The following STAB2 variants were observed in gnomAD, a reference collection of about 807,000 sequenced individuals.
The protein encoded by STAB2 is stabilin-2.
STAB2 carries 288 observed loss-of-function variants against 338.1 expected under a neutral mutation model. The observed-to-expected ratio is 0.85, with a 90% CI of 0.77 to 0.94. The LOEUF (loss-of-function observed/expected upper bound fraction) is 0.94, where lower values mean the gene tolerates loss of function less well. Among genes scored for constraint, STAB2 ranks in the 40% least tolerant of loss-of-function variants. The pLI, the probability that STAB2 is intolerant of heterozygous loss-of-function variation, is 0.00. For synonymous variants in STAB2, 1,202 were observed against 1,193.3 expected, an observed-to-expected ratio of 1.01 and a Z score of -0.15; for missense variants, 3,141 against 3,210.1, an observed-to-expected ratio of 0.98 and a Z score of 0.52.
intron 3 of STAB2, among the ~76,000 whole-genome samples, chr12:103,599,492 C>T (rs911815599): frequency 6.6e-6 from 1 of 152,132 alleles, no homozygotes; most frequent in African/African-American, 2.4e-5. Context: ...CCATTCCCAG[C>T]TTTATTCTAT....
intron 34 of STAB2, among the ~76,000 whole-genome samples, chr12:103,702,443 C>T (rs1446714889): frequency 2.0e-5 from 3 of 152,048 alleles, no homozygotes; most frequent in Non-Finnish European, 4.4e-5. Flanking sequence ...GGACTACAGG[C>T]GCCCGCCACC....
chr12:103,640,740 T>A (rs955231856), intron 9 of STAB2, among the ~76,000 whole-genome samples: 1 of 152,196 alleles, frequency 6.6e-6, no homozygotes, highest in Non-Finnish European at 1.5e-5. Context: ...TGTGAAAGTT[T>A]CTGAGGCAAA....
chr12:103,716,103 C>G (rs1225817279), intron 43 of STAB2, among the ~76,000 whole-genome samples: 2 of 152,162 alleles, frequency 1.3e-5, no homozygotes, highest in African/African-American at 4.8e-5. Context: ...AGGGGCTTCC[C>G]TAGAGTGCGG....
At chr12:103,745,127 T>C (rs961142752) in intron 56 of STAB2, 46 bp from the exon 57 acceptor site, 9 of 1,531,902 alleles carry the variant, frequency 5.9e-6, no homozygotes, top group Non-Finnish European at 8.0e-6. Flanking sequence ...GCTGGTTGAT[T>C]GGGTCTCAAC....
chr12:103,680,722 C>A (rs1453587841), intron 25 of STAB2, among the ~76,000 whole-genome samples: 1 of 152,250 alleles, frequency 6.6e-6, no homozygotes, highest in East Asian at 1.9e-4. Flanking sequence ...CCCTGCACCT[C>A]ACCCTGGGGT....
rs1957467354 is a variant in STAB2, at chr12:103,631,775, G to T, written c.583+82G>T. 11 of 1,378,698 alleles carry T rather than the reference G, an allele frequency of 8.0e-6. No homozygotes were observed. In the South Asian group the frequency reaches 1.3e-4, roughly 17 times the overall value. 85.4% of individuals were successfully genotyped at this position (1,378,698 alleles called of 1,614,324 possible). A position where few individuals can be genotyped will look rare whatever the true frequency, so the allele number is the denominator to read the frequency against. On this transcript the variant is annotated intron_variant, in intron 6 of 68. Coordinates refer to ENST00000388887, the MANE Select transcript of STAB2 (RefSeq NM_017564.10). ...CATTTCAATTTTGTATCTGTTACTG[G>T]TTCTCTGCAGGGGCAAGGTACTACC...
Position 103,763,591 on chromosome 12 carries a change from T to C in STAB2, c.7588T>C (p.Ser2530Pro). 6.2e-7 allele frequency: 1 copy of C among 1,613,964 alleles called. No individual in the cohort carries two copies. The highest frequency in any genetic ancestry group is 1.1e-5 in the South Asian group (1 of 91,060). ...ESTTSAPPEP[S>P]YDPFTDSEER... The stretch of plus-strand genomic sequence containing the variant: ...CACAACCTCAGCTCCCCCAGAACCT[T>C]CCTACGACCCCTTCACGGTGAGTTT... Residue 2530 changes from serine to proline, a missense_variant, in exon 68 of 69, where the codon TCC becomes CCC. Transcript: ENST00000388887.
chr12:103,631,671 C>T lies in STAB2; in HGVS notation c.561C>T (p.Tyr187=), dbSNP rs1565973239. The T allele has an allele frequency of 1.2e-6, 2 of 1,614,220 alleles. No individual in the cohort carries two copies. Among genetic ancestry groups the T allele is most frequent in the East Asian group, 2.2e-5 (1 of 44,892 alleles). The change falls in exon 6 of 69, where the codon TAC becomes TAT. Residue 187 remains tyrosine (Y), a synonymous_variant. Coordinates refer to ENST00000388887, the MANE Select transcript of STAB2 (RefSeq NM_017564.10). The part of the protein sequence containing the change: ...GDGTCECYSA[Y]TGPKCDKPIP... ...GAACCTGTGAGTGCTACTCTGCGTA[C>T]ACTGGCCCCAAGTGTGACAAGCGTA...
At chr12:103,629,371 C>A (rs973515793) in intron 5 of STAB2, among the ~76,000 whole-genome samples, 1 of 152,198 alleles carries the variant, frequency 6.6e-6, no homozygotes, top group Admixed American at 6.5e-5. Flanking sequence ...GATATAAGAG[C>A]CTACTGCTAC....
chr12:103,738,540 G>A (rs967899324), intron 53 of STAB2, among the ~76,000 whole-genome samples: 1 of 152,128 alleles, frequency 6.6e-6, no homozygotes, highest in African/African-American at 2.4e-5. Flanking sequence ...GCATCCCCTA[G>A]GAATTTCAAT....
At chr12:103,717,234 A>C (rs1463350679) in intron 43 of STAB2, among the ~76,000 whole-genome samples, 1 of 152,226 alleles carries the variant, frequency 6.6e-6, no homozygotes, top group East Asian at 1.9e-4. Flanking sequence ...GCTTCTTCAG[A>C]CAGTGTCCCC....
intron 25 of STAB2, among the ~76,000 whole-genome samples, chr12:103,681,880 A>C (rs990969093): frequency 6.6e-6 from 1 of 151,766 alleles, no homozygotes; most frequent in Non-Finnish European, 1.5e-5. Flanking sequence ...TGGCCTCCCA[A>C]AGCCCCCTTT....
chr12:103,598,209 G>T (rs991813789), intron 3 of STAB2, among the ~76,000 whole-genome samples: 1 of 152,138 alleles, frequency 6.6e-6, no homozygotes, highest in African/African-American at 2.4e-5. Context: ...CATATTTTCT[G>T]CCTAGCACTG....
intron 25 of STAB2, among the ~76,000 whole-genome samples, chr12:103,680,096 A>T (rs547700618): frequency 1.3e-5 from 2 of 152,200 alleles, no homozygotes; most frequent in Non-Finnish European, 2.9e-5. Context: ...AGAGACAGAA[A>T]GGAGAATGGT....
intron 50 of STAB2, 103 bp downstream of exon 50, chr12:103,731,738 G>A: frequency 1.7e-6 from 2 of 1,192,704 alleles, no homozygotes; most frequent in Non-Finnish European, 2.4e-6. Context: ...TTGGCCAGCT[G>A]TTGTGGGATC....
chr12:103,677,337 T>A, intron 24 of STAB2, 116 bp from the exon 25 acceptor site: 1 of 1,353,508 alleles, frequency 7.4e-7, no homozygotes. Context: ...CATTTCCACC[T>A]CACTCAATGC....
Position 103,660,251 on chromosome 12 carries a change from C to T in STAB2, c.1735-80C>T, listed in dbSNP as rs80324563. 1.8e-4 allele frequency: 258 copies of T among 1,423,736 alleles called. No individual in the cohort carries two copies. In the East Asian group the frequency reaches 2.9e-3, roughly 16 times the overall value. The allele number at this position is 1,423,736 out of a possible 1,614,324, so 88.2% of individuals were successfully genotyped here. ...TGGGTCATTTTTCTTGATTGTCTAACGTCATTTGAAGAGGATTCCACAAGA... is the reference window on the plus strand; with the variant it reads ...TGGGTCATTTTTCTTGATTGTCTAATGTCATTTGAAGAGGATTCCACAAGA... On this transcript the variant is annotated intron_variant, in intron 15 of 68. Transcript: ENST00000388887.
intron 68 of STAB2, among the ~76,000 whole-genome samples, chr12:103,764,275 T>C (rs942301616): frequency 1.2e-4 from 19 of 152,210 alleles, no homozygotes; most frequent in Non-Finnish European, 2.4e-4. Flanking sequence ...TAAACTTACT[T>C]ACACTGACAT....
At chr12:103,695,917 G>T in intron 33 of STAB2, 73 bp downstream of exon 33, 2 of 1,427,106 alleles carry the variant, frequency 1.4e-6, no homozygotes, top group South Asian at 1.2e-5. Context: ...TAATCCATTA[G>T]TTGTGTGCCA....
Sources: allele counts gnomAD v4.1 joint callset (sites outside exome capture counted in the v4.1 genomes callset), GRCh38; gene constraint gnomAD v4.1.1; transcripts MANE v1.5; gene names NCBI Gene and HGNC (gene_info 2026-07-23, HGNC 2026-07-21).